LOXL3: variants seen among roughly 807,000 people sequenced by gnomAD.
The protein encoded by LOXL3 is lysyl oxidase homolog 3.
LOXL3 carries 60 observed loss-of-function variants against 91.8 expected under a neutral mutation model. The observed-to-expected ratio is 0.65, with a 90% CI of 0.53 to 0.81. The LOEUF (loss-of-function observed/expected upper bound fraction) is 0.81. LOXL3 is among the 30% of genes least tolerant of loss of function. LOXL3 has a pLI of 0.00. For synonymous variants in LOXL3, 355 were observed against 387.6 expected (o/e 0.92, Z 0.99); for missense variants, 874 against 1,000.4 (o/e 0.87, Z 1.70).
At chr2:74,552,731 G>T (rs1260419065) in intron 1 of LOXL3, 85 bp from the exon 2 acceptor site, 1 of 1,202,956 alleles carries the variant, frequency 8.3e-7, no homozygotes, top group East Asian at 2.6e-5. Flanking sequence ...AGTCACGAAA[G>T]AAAAACAGAC....
intron 4 of LOXL3, among the ~76,000 whole-genome samples, chr2:74,544,164 C>T (rs952910075): frequency 1.3e-5 from 2 of 151,902 alleles, no homozygotes; most frequent in Non-Finnish European, 2.9e-5. Flanking sequence ...ATTAGCTGGG[C>T]GTGGTGGGCA....
Position 74,535,775 on chromosome 2 carries a change from A to G in LOXL3, c.1249-20T>C. On this transcript the variant is annotated intron_variant, in intron 7 of 13. Coordinates refer to ENST00000264094, the MANE Select transcript of LOXL3 (RefSeq NM_032603.5). The surrounding 1 kb of genome is among the most constrained non-coding windows in gnomAD (Gnocchi z 4.2). ...TCGGATCTGTAGTGACACAGAATGG[A>G]AGCGCTGGAGAAAGCTTTGGGGTGA... 1 of 1,539,394 alleles carries G rather than the reference A, an allele frequency of 6.5e-7. No individual in the cohort carries two copies. The highest frequency in any genetic ancestry group is 2.2e-5 in the Admixed American group (1 of 45,354).
chr2:74,533,472 C>T lies in LOXL3; in HGVS notation c.*134G>A. 1 of 726,402 alleles carries T rather than the reference C, an allele frequency of 1.4e-6. No individual in the cohort carries two copies. The highest frequency in any genetic ancestry group is 2.3e-6 in the Non-Finnish European group (1 of 430,990). 45.0% of individuals were successfully genotyped at this position (726,402 alleles called of 1,614,324 possible). On this transcript the variant is annotated 3_prime_UTR_variant, in exon 14 of 14. Transcript: ENST00000264094. ...AAGGAGGGTGAAAACTTCTGCTTGA[C>T]AGTTCCACATCCATAGTGCATGGTC...
chr2:74,547,029 T>C (rs1341869792), intron 4 of LOXL3, among the ~76,000 whole-genome samples: 1 of 152,094 alleles, frequency 6.6e-6, no homozygotes, highest in African/African-American at 2.4e-5. Flanking sequence ...TAATTTATTT[T>C]TTGAGACAGG....
rs961322233 is a variant in LOXL3, at chr2:74,546,428, C to T, written c.692+2941G>A. Among the ~76,000 whole-genome samples, 8 of 152,272 alleles carry T rather than the reference C, an allele frequency of 5.3e-5. No individual in the cohort carries two copies. The East Asian group carries it at 1.5e-3, about 29-fold the overall frequency. ...CAGGATCTGGCTTCCCATTCTTTTC[C>T]GAAGACCACCTACACTGCATCTCCT... On this transcript the variant is annotated intron_variant, in intron 4 of 13. Transcript: ENST00000264094.
chr2:74,534,914 T>C (rs1675907503), intron 9 of LOXL3, 140 bp from the exon 10 acceptor site: 3 of 1,017,948 alleles, frequency 2.9e-6, no homozygotes, highest in Non-Finnish European at 1.4e-6. Flanking sequence ...AGTCTCACTC[T>C]GTTGCCGAGG....
At chr2:74,554,927 C>T, upstream of LOXL3, 2 of 1,532,012 alleles carry the variant, frequency 1.3e-6, no homozygotes, top group Non-Finnish European at 1.8e-6. The surrounding 1 kb of genome is among the most constrained non-coding windows in gnomAD (Gnocchi z 4.9). Context: ...GTTGGAGAGC[C>T]TGTGACTTTC....
chr2:74,542,830 G>A (rs913318941), intron 4 of LOXL3, among the ~76,000 whole-genome samples: 1 of 151,944 alleles, frequency 6.6e-6, no homozygotes, highest in Admixed American at 6.6e-5. Flanking sequence ...TCATCATGTT[G>A]GCCAGGCTGG....
intron 4 of LOXL3, among the ~76,000 whole-genome samples, chr2:74,545,848 G>A (rs1357482697): frequency 6.6e-6 from 1 of 152,048 alleles, no homozygotes; most frequent in East Asian, 1.9e-4. Context: ...CCAGTTTCAG[G>A]ACTTTATATG....
chr2:74,536,172 C>T lies in LOXL3; in HGVS notation c.1094-22G>A, dbSNP rs1326272998. On this transcript the variant is annotated intron_variant, in intron 6 of 13. Transcript: ENST00000264094. This position sits in a 1 kb window ranked among gnomAD's most constrained non-coding sequence, Gnocchi z 4.5. ...ATGCCTAGGGCCAGATGGCAAAGAT[C>T]AGGAAGTTGTAATTAAGCATATATT... 1 of 1,612,724 alleles carries T rather than the reference C, an allele frequency of 6.2e-7. No individual in the cohort carries two copies. The highest frequency in any genetic ancestry group is 1.3e-5 in the African/African-American group (1 of 74,918).
In LOXL3 at chr2:74,533,069, G is replaced by A. The variant is rs1035118940; in HGVS notation, c.*537C>T. The A allele has an allele frequency of 1.9e-5, 27 of 1,388,316 alleles. No homozygotes were observed. The highest frequency in any genetic ancestry group is 2.6e-5 in the Non-Finnish European group (26 of 986,856). 86.0% of individuals were successfully genotyped at this position (1,388,316 alleles called of 1,614,324 possible). On this transcript the variant is annotated 3_prime_UTR_variant, in exon 14 of 14. Transcript: ENST00000264094. Reference sequence around the variant, plus strand: ...GGTTCTGAGGGCACCGAGACAGAGGGTTAAATGAACCAGTGGGGGCAGGTC... The same window carrying A: ...GGTTCTGAGGGCACCGAGACAGAGGATTAAATGAACCAGTGGGGGCAGGTC...
At chr2:74,538,190 T>C (rs984639103) in intron 4 of LOXL3, among the ~76,000 whole-genome samples, 7 of 152,208 alleles carry the variant, frequency 4.6e-5, no homozygotes, top group African/African-American at 1.4e-4. Flanking sequence ...ATCTATCTTC[T>C]AAACATCCTC....
chr2:74,554,925 G>T, upstream of LOXL3: 1 of 1,536,744 alleles, frequency 6.5e-7, no homozygotes, highest in Non-Finnish European at 8.8e-7. This position sits in a 1 kb window ranked among gnomAD's most constrained non-coding sequence, Gnocchi z 4.9. Flanking sequence ...GAGTTGGAGA[G>T]CCTGTGACTT....
Position 74,535,865 on chromosome 2 carries a change from G to A in LOXL3, c.1249-110C>T. ...TCAGGCACATAATGGGCTAGCAAGT[G>A]ATGGGTCAGGTGGGAGCTGCAGGAG... On this transcript the variant is annotated intron_variant, in intron 7 of 13. Coordinates refer to ENST00000264094, the MANE Select transcript of LOXL3 (RefSeq NM_032603.5). This position sits in a 1 kb window ranked among gnomAD's most constrained non-coding sequence, Gnocchi z 4.2. 2 of 1,478,790 alleles carry A rather than the reference G, an allele frequency of 1.4e-6. No homozygotes were observed. The highest frequency in any genetic ancestry group is 1.8e-6 in the Non-Finnish European group (2 of 1,108,856). 91.6% of individuals were successfully genotyped at this position (1,478,790 alleles called of 1,614,324 possible).
chr2:74,552,573 CT>C lies in LOXL3; in HGVS notation c.61del (p.Ser21ValfsTer92). 1 of 1,608,674 alleles carries C rather than the reference CT, an allele frequency of 6.2e-7. No individual in the cohort carries two copies. On this transcript the variant is annotated frameshift_variant, in exon 2 of 14. Transcript: ENST00000264094. LOFTEE classifies it high-confidence loss of function. ...PWGLLLCLLC[S>X]SCLGSPSPST... ...AGGGGACGGAGACCCCAAGCACGAA[CT>C]GCACAGCAGGCACAGCAGCAGCCCC...
At chr2:74,548,878 C>T (rs1184095166) in intron 4 of LOXL3, 1 of 151,792 alleles carries the variant, frequency 6.6e-6, no homozygotes, top group Non-Finnish European at 1.5e-5. Flanking sequence ...GCGGCCCGGG[C>T]AGAGAGACTG....
chr2:74,552,254 G>A lies in LOXL3; in HGVS notation c.313+68C>T, dbSNP rs116362093. On this transcript the variant is annotated intron_variant, in intron 2 of 13. Coordinates refer to ENST00000264094, the MANE Select transcript of LOXL3 (RefSeq NM_032603.5). ...GTGTCCCTATGGCTGTGCCATCCTC[G>A]TGTTCCCTTTCCCTGCACTTTGGCC... The A allele has an allele frequency of 8.0e-4, 1,149 of 1,444,512 alleles. 11 individuals are homozygous for A. In the African/African-American group the frequency reaches 0.014, roughly 18 times the overall value. 89.5% of individuals were successfully genotyped at this position (1,444,512 alleles called of 1,614,324 possible).
rs1333409425 is a variant in LOXL3, at chr2:74,534,397, CAT to C, written c.1856_1857del (p.Tyr619Ter). 6.2e-7 allele frequency: 1 copy of C among 1,614,118 alleles called. No individual in the cohort carries two copies. The highest frequency in any genetic ancestry group is 1.3e-5 in the African/African-American group (1 of 74,932). The part of the protein sequence containing the change: ...HYHSMDIFTH[Y>X]DILTPNGTKV... The stretch of plus-strand genomic sequence containing the variant: ...TTGGTGCCATTTGGGGTGAGGATAT[CAT>C]AGTGAGTGAAGATGTCCATGCTGTG... On this transcript the variant is annotated frameshift_variant, in exon 11 of 14. Coordinates refer to ENST00000264094, the MANE Select transcript of LOXL3 (RefSeq NM_032603.5). LOFTEE classifies it high-confidence loss of function.
chr2:74,554,824 C>T (rs775129381), upstream of LOXL3: 9 of 1,613,864 alleles, frequency 5.6e-6, no homozygotes, highest in Non-Finnish European at 7.6e-6. This position sits in a 1 kb window ranked among gnomAD's most constrained non-coding sequence, Gnocchi z 4.9. Context: ...GGTAGTCTGG[C>T]GCATGGATGC....
Sources: allele counts gnomAD v4.1 joint callset (sites outside exome capture counted in the v4.1 genomes callset), GRCh38; gene constraint gnomAD v4.1.1; non-coding constraint Gnocchi (gnomAD v3.1); transcripts MANE v1.5; gene names NCBI Gene and HGNC (gene_info 2026-07-23, HGNC 2026-07-21).